NBAS: variants seen among roughly 807,000 people sequenced by gnomAD.
The protein encoded by NBAS is NBAS subunit of NRZ tethering complex, also known as NAG/BC035112 fusion.
Under a neutral mutation model 302.5 loss-of-function variants are expected in NBAS, and 219 were observed. The ratio of observed to expected loss-of-function variants is 0.72; its 90% CI spans 0.65 to 0.81. The LOEUF is 0.81. Among genes scored for constraint, NBAS ranks in the 30% least tolerant of loss-of-function variants. NBAS has a pLI of 0.00. For synonymous variants in NBAS, 1,118 were observed against 1,021.6 expected, an observed-to-expected ratio of 1.09 and a Z score of -1.80; for missense variants, 2,932 against 2,841.6, an observed-to-expected ratio of 1.03 and a Z score of -0.72.
At chr2:15,165,053 G>A (rs1304314351), downstream of NBAS, among the ~76,000 whole-genome samples, 1 of 152,200 alleles carries the variant, frequency 6.6e-6, no homozygotes, top group African/African-American at 2.4e-5. Context: ...AAGTCAGGGT[G>A]TCATACTAAA....
chr2:14,913,499 A>G, the NBAS span, among the ~76,000 whole-genome samples: 1 of 152,224 alleles, frequency 6.6e-6, no homozygotes, highest in African/African-American at 2.4e-5. Flanking sequence ...AGTGGCAGAC[A>G]AGGCTAGAAT....
chr2:15,366,160 C>T (rs1674186721), intron 32 of NBAS, among the ~76,000 whole-genome samples: 1 of 152,128 alleles, frequency 6.6e-6, no homozygotes, highest in African/African-American at 2.4e-5. Flanking sequence ...AAACACAAAA[C>T]CAAATTTAGA....
At chr2:14,917,485 A>G in the NBAS span, among the ~76,000 whole-genome samples, 2 of 152,330 alleles carry the variant, frequency 1.3e-5, no homozygotes, top group African/African-American at 4.8e-5. Context: ...GTGCCATCCC[A>G]TTACCTTTGC....
At chr2:15,134,056 T>TTCTCTCTCTCTCTCTCTCTCTCTC in the NBAS span, among the ~76,000 whole-genome samples, 1 of 145,666 alleles carries the variant, frequency 6.9e-6, no homozygotes. Context: ...GAACATTTCT[T>TTCTCTCTCTCTCTCTCTCTCTCTC]TCTCTCTCTC....
chr2:15,347,332 CAA>C (rs1673140770), intron 35 of NBAS, among the ~76,000 whole-genome samples: 1 of 152,076 alleles, frequency 6.6e-6, no homozygotes, highest in Admixed American at 6.6e-5. Flanking sequence ...TATTTCCATA[CAA>C]AGACTTTTAC....
the NBAS span, among the ~76,000 whole-genome samples, chr2:15,151,688 T>C: frequency 6.6e-6 from 1 of 152,166 alleles, no homozygotes; most frequent in East Asian, 1.9e-4. Flanking sequence ...TTGGCTAAAA[T>C]AAGTAGATTC....
chr2:15,363,545 G>A (rs2148332359), intron 32 of NBAS, among the ~76,000 whole-genome samples: 1 of 152,204 alleles, frequency 6.6e-6, no homozygotes, highest in Middle Eastern at 3.4e-3. Context: ...TATGAGTAAA[G>A]GATTTAACTT....
chr2:15,140,533 G>C, the NBAS span, among the ~76,000 whole-genome samples: 6 of 152,210 alleles, frequency 3.9e-5, no homozygotes, highest in Non-Finnish European at 8.8e-5. Flanking sequence ...ATTAATATCT[G>C]CTTCACAGAG....
intron 42 of NBAS, among the ~76,000 whole-genome samples, chr2:15,282,767 T>G (rs78594088): frequency 0.017 from 2,655 of 152,272 alleles, 36 homozygotes; most frequent in Middle Eastern, 0.031. Flanking sequence ...TATTACCGAG[T>G]CTGGCAGTAT....
the NBAS span, among the ~76,000 whole-genome samples, chr2:14,997,709 G>C: frequency 6.6e-6 from 1 of 152,066 alleles, no homozygotes. Context: ...CTGTGTATTA[G>C]AGCCCCAGAG....
chr2:15,146,483 A>T, the NBAS span, among the ~76,000 whole-genome samples: 1 of 152,154 alleles, frequency 6.6e-6, no homozygotes, highest in African/African-American at 2.4e-5. Flanking sequence ...AAAGTCCAAC[A>T]CCCCCAGTCA....
chr2:15,445,154 G>A lies in NBAS; in HGVS notation c.2339+16047C>T, dbSNP rs559308967. 4.6e-4 allele frequency among the ~76,000 whole-genome samples: 70 copies of A among 151,334 alleles called. 2 individuals are homozygous for A. The South Asian group carries it at 0.014, about 30-fold the overall frequency. ...ATTTGACCCAGCCATCCCATTACTGGGTATATACCCAAAGGACTAGAAATC... is the reference window on the plus strand; with the variant it reads ...ATTTGACCCAGCCATCCCATTACTGAGTATATACCCAAAGGACTAGAAATC... On this transcript the variant is annotated intron_variant, in intron 21 of 51. Coordinates refer to ENST00000281513, the MANE Select transcript of NBAS (RefSeq NM_015909.4).
the NBAS span, among the ~76,000 whole-genome samples, chr2:14,793,370 A>G: frequency 4.1e-3 from 627 of 152,336 alleles, 4 homozygotes; most frequent in African/African-American, 0.015. Context: ...AGCAAAGATG[A>G]AAAGGTTATA....
the NBAS span, among the ~76,000 whole-genome samples, chr2:14,835,623 C>CA: frequency 6.6e-6 from 1 of 151,818 alleles, no homozygotes. Context: ...CTTTTATGCC[C>CA]GGTGTCTTGT....
chr2:14,989,926 G>T, the NBAS span, among the ~76,000 whole-genome samples: 1 of 152,050 alleles, frequency 6.6e-6, no homozygotes, highest in African/African-American at 2.4e-5. Flanking sequence ...GCGTAAAATG[G>T]TACACAAACA....
chr2:15,149,899 G>C, the NBAS span, among the ~76,000 whole-genome samples: 1 of 151,852 alleles, frequency 6.6e-6, no homozygotes, highest in Non-Finnish European at 1.5e-5. Flanking sequence ...CATCTCAAAA[G>C]ACTCTCTGTT....
rs142052730 is a variant in NBAS at position 15,466,984 on chromosome 2, A to G, written c.2097+345T>C. Reference sequence around the variant, plus strand: ...AATAAAACGAGTCAGAAATATTCACATTAAAACCTAGTATATACTGAAATC... The same window carrying G: ...AATAAAACGAGTCAGAAATATTCACGTTAAAACCTAGTATATACTGAAATC... On this transcript the variant is annotated intron_variant, in intron 19 of 51. Transcript: ENST00000281513. Among the ~76,000 whole-genome samples, 4 of 152,206 alleles carry G rather than the reference A, an allele frequency of 2.6e-5. No homozygotes were observed. The East Asian group carries it at 7.7e-4, about 29-fold the overall frequency.
chr2:15,261,236 C>T (rs1668838343), intron 44 of NBAS, among the ~76,000 whole-genome samples: 1 of 152,234 alleles, frequency 6.6e-6, no homozygotes. Flanking sequence ...GTACACTCTC[C>T]TCACCAGGCT....
At chr2:15,358,384 G>A (rs1026604975) in intron 32 of NBAS, among the ~76,000 whole-genome samples, 3 of 151,744 alleles carry the variant, frequency 2.0e-5, no homozygotes, top group African/African-American at 7.3e-5. Flanking sequence ...CTGCTTGGCC[G>A]TGTGTGTGTG....
Sources: allele counts gnomAD v4.1 joint callset (sites outside exome capture counted in the v4.1 genomes callset), GRCh38; gene constraint gnomAD v4.1.1; transcripts MANE v1.5; gene names NCBI Gene and HGNC (gene_info 2026-07-23, HGNC 2026-07-21).